Variants in TRPM8 observed in about 807,000 individuals in gnomAD.
The protein encoded by TRPM8 is transient receptor potential cation channel subfamily M member 8.
In TRPM8, 110 loss-of-function variants were observed where a neutral mutation model predicts 133.7. The observed-to-expected ratio is 0.82, with a 90% CI of 0.70 to 0.96. TRPM8 has a LOEUF of 0.96. Among genes scored for constraint, TRPM8 ranks in the 40% least tolerant of loss-of-function variants. TRPM8 has a pLI of 0.00. For missense variants in TRPM8, 1,291 were observed against 1,379.5 expected, an observed-to-expected ratio of 0.94 and a Z score of 1.02; for synonymous variants, 535 against 532.3, an observed-to-expected ratio of 1.01 and a Z score of -0.07.
chr2:233,973,972 TG>T (rs1691800379), intron 17 of TRPM8, among the ~76,000 whole-genome samples: 1 of 152,208 alleles, frequency 6.6e-6, no homozygotes, highest in African/African-American at 2.4e-5. Context: ...CACTCTCACT[TG>T]TAGTTGACCA....
At position 233,928,830 on chromosome 2, in the gene TRPM8, A is replaced by G. The variant is rs11562976; in HGVS notation, c.118-1838A>G. Among the ~76,000 whole-genome samples, 460 of 152,284 alleles carry G rather than the reference A, an allele frequency of 3.0e-3. 15 individuals carry two copies. The East Asian group carries it at 0.069, about 23-fold the overall frequency. On this transcript the variant is annotated intron_variant, in intron 2 of 25. Coordinates refer to ENST00000324695, the MANE Select transcript of TRPM8 (RefSeq NM_024080.5). ...CCCGTTGGCTTTCCTCTTTCCTGTC[A>G]GAGGTTATAACCACTATCCTGAATT... is the stretch of plus-strand genomic sequence containing the variant.
At chr2:233,959,325 C>A (rs921618105) in intron 11 of TRPM8, among the ~76,000 whole-genome samples, 2 of 106,296 alleles carry the variant, frequency 1.9e-5, no homozygotes, top group South Asian at 6.5e-4. Flanking sequence ...CTCGCCCAGC[C>A]TTTTTTTTTT....
At chr2:234,017,164 A>C in intron 25 of TRPM8, 135 bp from the exon 26 acceptor site, 1 of 351,290 alleles carries the variant, frequency 2.8e-6, no homozygotes, top group South Asian at 2.2e-5. Context: ...AAAAAAAAAA[A>C]TCTCTCAACT....
rs528933938 is a variant in TRPM8, at chr2:233,935,666, C to A, written c.192-1687C>A. ...TCTCTAGCCTTCTCAGGACAGAACTCTCTGTTCTCCTTCTCCACTGGCCAT... is the reference window on the plus strand; with the variant it reads ...TCTCTAGCCTTCTCAGGACAGAACTATCTGTTCTCCTTCTCCACTGGCCAT... On this transcript the variant is annotated intron_variant, in intron 3 of 25. Coordinates refer to ENST00000324695, the MANE Select transcript of TRPM8 (RefSeq NM_024080.5). Among the ~76,000 whole-genome samples, 4 of 152,344 alleles carry A rather than the reference C, an allele frequency of 2.6e-5. No individual in the cohort carries two copies. In the South Asian group the frequency reaches 8.3e-4, roughly 32 times the overall value.
rs3732213 is a variant in TRPM8 at position 234,014,916 on chromosome 2, G to A, written c.*42+262G>A. Among the ~76,000 whole-genome samples, 5,883 of 152,164 alleles carry A rather than the reference G, an allele frequency of 0.039. 228 individuals are homozygous for A. Among genetic ancestry groups the A allele is most frequent in the Admixed American group, 0.083 (1,266 of 15,276 alleles). On this transcript the variant is annotated intron_variant, in intron 25 of 25. Transcript: ENST00000324695. The stretch of plus-strand genomic sequence containing the variant: ...CAGGGTGTAAGTATCTTGTCCTGTA[G>A]GACCTTTTAAAACACTTGCAACCTA...
At chr2:233,964,882 A>T in intron 14 of TRPM8, 125 bp downstream of exon 14, 1 of 999,418 alleles carries the variant, frequency 1.0e-6, no homozygotes. Flanking sequence ...AGTCTGATTG[A>T]GGGCTGCAGA....
chr2:233,977,828 A>G (rs1691907299), intron 17 of TRPM8, among the ~76,000 whole-genome samples: 1 of 152,192 alleles, frequency 6.6e-6, no homozygotes, highest in Admixed American at 6.5e-5. Context: ...GAAAATATCA[A>G]ATATATTTTA....
chr2:233,938,933 A>G, intron 4 of TRPM8, 65 bp from the exon 5 acceptor site: 1 of 1,537,018 alleles, frequency 6.5e-7, no homozygotes, highest in Non-Finnish European at 8.9e-7. Flanking sequence ...GTTGGGAGGG[A>G]ATGCTAAACC....
intron 22 of TRPM8, 69 bp downstream of exon 22, chr2:233,996,585 T>A: frequency 1.5e-6 from 2 of 1,369,672 alleles, no homozygotes; most frequent in Non-Finnish European, 2.1e-6. Flanking sequence ...ATGCCTGGTG[T>A]GTATCTCAAC....
intron 8 of TRPM8, among the ~76,000 whole-genome samples, chr2:233,949,285 T>A (rs977985277): frequency 1.8e-4 from 28 of 152,206 alleles, no homozygotes; most frequent in Admixed American, 3.3e-4. Context: ...TTTTCAATTT[T>A]TTTTGTACCT....
chr2:233,999,366 G>A (rs1386380087), intron 22 of TRPM8, among the ~76,000 whole-genome samples: 1 of 151,108 alleles, frequency 6.6e-6, no homozygotes, highest in African/African-American at 2.5e-5. Context: ...CCCTGAGGCT[G>A]TGGCTCAGAA....
chr2:233,938,928 GA>G (rs367544025), intron 4 of TRPM8, 69 bp from the exon 5 acceptor site: 2 of 1,530,888 alleles, frequency 1.3e-6, no homozygotes, highest in Admixed American at 1.8e-5. Flanking sequence ...TGGAAGTTGG[GA>G]GGGAATGCTA....
chr2:234,016,193 T>TTGTG (rs1692951762), intron 25 of TRPM8, among the ~76,000 whole-genome samples: 2 of 151,432 alleles, frequency 1.3e-5, no homozygotes, highest in African/African-American at 4.9e-5. Context: ...ATCACTTATT[T>TTGTG]TGTGTGTGTG....
At chr2:233,942,479 C>T (rs2125102697) in intron 5 of TRPM8, 97 bp from the exon 6 acceptor site, 1 of 1,223,670 alleles carries the variant, frequency 8.2e-7, no homozygotes, top group East Asian at 2.3e-5. Context: ...GTCCTGATGC[C>T]TACAGGGATG....
intron 11 of TRPM8, among the ~76,000 whole-genome samples, chr2:233,959,034 C>CG (rs1401487886): frequency 8.1e-5 from 4 of 49,210 alleles, no homozygotes; most frequent in African/African-American, 3.1e-4. Context: ...TCTTGGGGGG[C>CG]GGGGGCGGGA....
chr2:233,979,711 AC>A (rs1412202370), intron 17 of TRPM8, among the ~76,000 whole-genome samples: 3 of 152,240 alleles, frequency 2.0e-5, no homozygotes, highest in Admixed American at 6.5e-5. Flanking sequence ...ACTTATGTGC[AC>A]ATTTTTTTTA....
At chr2:234,005,532 A>G (rs1167299069) in intron 22 of TRPM8, among the ~76,000 whole-genome samples, 1 of 152,172 alleles carries the variant, frequency 6.6e-6, no homozygotes, top group Non-Finnish European at 1.5e-5. Flanking sequence ...GTTGGGAAAA[A>G]TACAATTCAA....
intron 24 of TRPM8, among the ~76,000 whole-genome samples, chr2:234,011,860 T>C (rs564411832): frequency 1.3e-3 from 170 of 128,558 alleles, no homozygotes; most frequent in African/African-American, 4.9e-3. Flanking sequence ...GAGCTTGCAG[T>C]GAACCGAGAT....
chr2:233,996,651 C>G, intron 22 of TRPM8, 135 bp downstream of exon 22: 2 of 800,172 alleles, frequency 2.5e-6, no homozygotes, highest in Non-Finnish European at 4.0e-6. Context: ...CTGTAAAGAT[C>G]AGGCCTCAGG....
Sources: gnomAD v4.1 joint callset for allele counts (sites outside exome capture counted in the v4.1 genomes callset) on GRCh38, gnomAD v4.1.1 for gene constraint, MANE v1.5 for transcripts, NCBI Gene and HGNC (gene_info 2026-07-23, HGNC 2026-07-21) for gene names.